SLC22A16: variants seen among roughly 807,000 people sequenced by gnomAD.
SLC22A16 encodes WUGSC:RG331P03.1.
In SLC22A16, 53 loss-of-function variants were observed where a neutral mutation model predicts 52.9. That is an observed-to-expected ratio of 1.00 (90% CI 0.80 to 1.26). SLC22A16 has a LOEUF of 1.26. Among genes scored for constraint, SLC22A16 ranks in the 50% most tolerant of loss-of-function variants. The pLI, the probability that SLC22A16 is intolerant of heterozygous loss-of-function variation, is 0.00. For missense variants in SLC22A16, 726 were observed against 704.0 expected (o/e 1.03, Z -0.35); for synonymous variants, 291 against 268.8 (o/e 1.08, Z -0.81).
rs201001583 is a variant in SLC22A16 at position 110,447,050 on chromosome 6, C to T, written c.534-60G>A. On this transcript the variant is annotated intron_variant, in intron 2 of 7. Coordinates refer to ENST00000368919, the MANE Select transcript of SLC22A16 (RefSeq NM_033125.4). ...GGTAGAGTTGTAACAGTTTAAACAT[C>T]CACTCCAATTCATAAAAGATAGGCA... 1,209 of 1,327,884 alleles carry T rather than the reference C, an allele frequency of 9.1e-4. 1 individual carries two copies. Among genetic ancestry groups the T allele is most frequent in the Non-Finnish European group, 1.1e-3 (1,061 of 937,522 alleles). The allele number at this position is 1,327,884 out of a possible 1,614,324, so 82.3% of individuals were successfully genotyped here. A position where few individuals can be genotyped will look rare whatever the true frequency, so the allele number is the denominator to read the frequency against.
intron 2 of SLC22A16, 95 bp downstream of exon 2, chr6:110,456,442 AT>A (rs980467576): frequency 3.4e-5 from 49 of 1,439,244 alleles, no homozygotes; most frequent in Non-Finnish European, 4.5e-5. Flanking sequence ...AAGTATAAAA[AT>A]GACAAGTTTT....
At chr6:110,449,735 A>G (rs537711162) in intron 2 of SLC22A16, among the ~76,000 whole-genome samples, 2 of 152,174 alleles carry the variant, frequency 1.3e-5, no homozygotes, top group Non-Finnish European at 2.9e-5. Flanking sequence ...ATGCCTCCCA[A>G]ATATGTCTTC....
intron 1 of SLC22A16, 23 bp downstream of exon 1, chr6:110,476,499 G>GAGCC (rs1554229866): frequency 6.2e-5 from 23 of 370,162 alleles, no homozygotes; most frequent in Non-Finnish European, 9.3e-5. Context: ...CCCGCGTGGC[G>GAGCC]CCGCGGGGCC....
chr6:110,461,349 A>G (rs1335926565), intron 1 of SLC22A16, among the ~76,000 whole-genome samples: 1 of 152,178 alleles, frequency 6.6e-6, no homozygotes, highest in Non-Finnish European at 1.5e-5. Flanking sequence ...AGTGCTGTGA[A>G]AGGGGCATGA....
intron 5 of SLC22A16, among the ~76,000 whole-genome samples, chr6:110,437,793 T>A (rs1338087460): frequency 7.8e-6 from 1 of 128,706 alleles, no homozygotes. Context: ...AGAGGTATTT[T>A]GAGGGACGCA....
At chr6:110,446,419 G>A (rs1443651031) in intron 3 of SLC22A16, among the ~76,000 whole-genome samples, 1 of 152,140 alleles carries the variant, frequency 6.6e-6, no homozygotes, top group Non-Finnish European at 1.5e-5. Flanking sequence ...GCCAATATAT[G>A]ACAATGCTGG....
chr6:110,460,290 ACTTT>A (rs1775820545), intron 1 of SLC22A16, among the ~76,000 whole-genome samples: 1 of 152,170 alleles, frequency 6.6e-6, no homozygotes, highest in African/African-American at 2.4e-5. Flanking sequence ...TTCCAAAAGG[ACTTT>A]CTTTATGTGG....
At chr6:110,469,169 C>T (rs1201197269) in intron 1 of SLC22A16, among the ~76,000 whole-genome samples, 1 of 152,194 alleles carries the variant, frequency 6.6e-6, no homozygotes, top group Non-Finnish European at 1.5e-5. Context: ...TTACTCTACT[C>T]TATTCACTCC....
At chr6:110,452,655 C>A (rs900954697) in intron 2 of SLC22A16, among the ~76,000 whole-genome samples, 1 of 151,918 alleles carries the variant, frequency 6.6e-6, no homozygotes, top group African/African-American at 2.4e-5. Flanking sequence ...GGCAACATAG[C>A]AAAACCCTGT....
Position 110,451,767 on chromosome 6 carries a change from T to C in SLC22A16, c.533+4771A>G, listed in dbSNP as rs1775388999. Among the ~76,000 whole-genome samples the C allele has an allele frequency of 2.0e-5, 3 of 152,352 alleles. No individual in the cohort carries two copies. In the South Asian group the frequency reaches 6.2e-4, roughly 32 times the overall value. ...TTTTGGTGGACATAAATTCCTGTAA[T>C]GAAGTCAAATTTATCCATTTTTTCT... On this transcript the variant is annotated intron_variant, in intron 2 of 7. Coordinates refer to ENST00000368919, the MANE Select transcript of SLC22A16 (RefSeq NM_033125.4).
At chr6:110,461,955 T>C (rs1775901019) in intron 1 of SLC22A16, among the ~76,000 whole-genome samples, 1 of 152,234 alleles carries the variant, frequency 6.6e-6, no homozygotes, top group African/African-American at 2.4e-5. Flanking sequence ...AAGAGGTTTA[T>C]TGGACTTACA....
chr6:110,449,757 C>T lies in SLC22A16; in HGVS notation c.534-2767G>A, dbSNP rs113458029. ...CCAAATATGTCTTCATCTTTTCCTC[C>T]CTGCTTTTCCCGCTTTCACTCAAGT... On this transcript the variant is annotated intron_variant, in intron 2 of 7. Coordinates refer to ENST00000368919, the MANE Select transcript of SLC22A16 (RefSeq NM_033125.4). Among the ~76,000 whole-genome samples, 605 of 152,256 alleles carry T rather than the reference C, an allele frequency of 4.0e-3. 7 individuals carry two copies. The highest frequency in any genetic ancestry group is 0.014 in the African/African-American group (587 of 41,546).
chr6:110,456,335 C>A, intron 2 of SLC22A16: 1 of 677,534 alleles, frequency 1.5e-6, no homozygotes, highest in Admixed American at 2.8e-5. Context: ...AGTGGTAGAA[C>A]CAGGATTTGG....
At chr6:110,431,114 G>A (rs1450508131) in intron 7 of SLC22A16, 57 bp downstream of exon 7, 4 of 1,386,932 alleles carry the variant, frequency 2.9e-6, no homozygotes, top group African/African-American at 2.8e-5. Context: ...GTTGCTAATA[G>A]GCAATTAGAA....
intron 3 of SLC22A16, 49 bp downstream of exon 3, chr6:110,446,824 T>G: frequency 6.6e-7 from 1 of 1,509,546 alleles, no homozygotes; most frequent in Non-Finnish European, 9.1e-7. Context: ...AGTTAAGGTT[T>G]CCTATGAAAA....
chr6:110,429,495 A>G (rs1393685473), intron 7 of SLC22A16, among the ~76,000 whole-genome samples: 1 of 152,242 alleles, frequency 6.6e-6, no homozygotes, highest in Non-Finnish European at 1.5e-5. Context: ...CATAATTAGT[A>G]TAACACCCAT....
Position 110,446,980 on chromosome 6 carries a change from G to T in SLC22A16, c.544C>A (p.Arg182=). 6.2e-7 allele frequency: 1 copy of T among 1,613,152 alleles called. No individual in the cohort carries two copies. The highest frequency in any genetic ancestry group is 2.2e-5 in the East Asian group (1 of 44,872). ...FGYFSDRLGR[R]VVLWATSSSM... ...CTGCTTGTGGCCCACAAGACCACCC[G>T]GCGTCCTAGCCTGAAAAATAAGAGT... Residue 182 remains arginine, a synonymous_variant, in exon 3 of 8, where the codon CGG becomes AGG. Coordinates refer to ENST00000368919, the MANE Select transcript of SLC22A16 (RefSeq NM_033125.4).
At chr6:110,439,843 A>G (rs897014222) in intron 4 of SLC22A16, among the ~76,000 whole-genome samples, 8 of 152,212 alleles carry the variant, frequency 5.3e-5, no homozygotes, top group Admixed American at 2.0e-4. Context: ...ATTAAAATGA[A>G]AGAAGTACAA....
At chr6:110,453,590 C>A (rs1775466599) in intron 2 of SLC22A16, 1 of 455,724 alleles carries the variant, frequency 2.2e-6, no homozygotes, top group Non-Finnish European at 4.4e-6. Flanking sequence ...CCAAGTCCCA[C>A]AATGAGTCCA....
Sources: gnomAD v4.1 joint callset for allele counts (sites outside exome capture counted in the v4.1 genomes callset) on GRCh38, gnomAD v4.1.1 for gene constraint, MANE v1.5 for transcripts, NCBI Gene and HGNC (gene_info 2026-07-23, HGNC 2026-07-21) for gene names.